The following SPAG17 variants were observed in gnomAD, a reference collection of about 807,000 sequenced individuals.
The protein encoded by SPAG17 is sperm-associated antigen 17.
Under a neutral mutation model 273.6 loss-of-function variants are expected in SPAG17, and 169 were observed. The ratio of observed to expected loss-of-function variants is 0.62; its 90% confidence interval spans 0.55 to 0.70. The LOEUF (loss-of-function observed/expected upper bound fraction) is 0.70, where lower values mean the gene tolerates loss of function less well. Ranked by LOEUF, SPAG17 falls within the 30% of genes least tolerant of loss-of-function variation. The pLI is 0.00. For missense variants in SPAG17, 2,557 were observed against 2,627.8 expected (o/e 0.97, Z 0.59); for synonymous variants, 825 against 873.2 (o/e 0.94, Z 0.97).
intron 48 of SPAG17, chr1:117,955,383 T>G (rs747822874): frequency 4.4e-6 from 7 of 1,608,810 alleles, no homozygotes; most frequent in Non-Finnish European, 5.9e-6. Flanking sequence ...GCGCACAATT[T>G]TTGTAATCTG....
At position 118,145,486 on chromosome 1, in the gene SPAG17, T is replaced by C. The variant is rs930669262; in HGVS notation, c.315+5057A>G. On this transcript the variant is annotated intron_variant, in intron 3 of 48. Transcript: ENST00000336338. Reference sequence around the variant, plus strand: ...AATCTGAGGCACTAGCATAGTGTCTTAAAGTATGGTGAAATGCATTAGATC... The same window carrying C: ...AATCTGAGGCACTAGCATAGTGTCTCAAAGTATGGTGAAATGCATTAGATC... 2.6e-5 allele frequency among the ~76,000 whole-genome samples: 4 copies of C among 152,306 alleles called. 1 individual carries two copies. In the East Asian group the frequency reaches 5.8e-4, roughly 22 times the overall value.
At position 117,968,978 on chromosome 1, in the gene SPAG17, C is replaced by A. The variant is rs111775931; in HGVS notation, c.6387+1078G>T. The stretch of plus-strand genomic sequence containing the variant: ...TTTTTAACATCCTCTGCGCCCTGAC[C>A]ACTTTAAATGGCATATGGGAGGAAC... On this transcript the variant is annotated intron_variant, in intron 46 of 48. Transcript: ENST00000336338. Among the ~76,000 whole-genome samples, 542 of 152,224 alleles carry A rather than the reference C, an allele frequency of 3.6e-3. 5 individuals carry two copies. The highest frequency in any genetic ancestry group is 0.012 in the African/African-American group (504 of 41,544).
chr1:118,115,384 T>A lies in SPAG17; in HGVS notation c.373A>T (p.Ile125Leu), dbSNP rs1657012728. ...AGTTGAAATTTCAAGAGTTTCCCTATCAGTGGTAAGGTTAATTTCTCTCCA... is the reference window on the plus strand; with the variant it reads ...AGTTGAAATTTCAAGAGTTTCCCTAACAGTGGTAAGGTTAATTTCTCTCCA... The part of the protein sequence containing the change: ...DSGEKLTLPL[I>L]GKLLKFQLLQ... Residue 125 changes from isoleucine to leucine, a missense_variant, in exon 4 of 49, where the codon ATA becomes TTA. By Grantham distance (5) the Ile-to-Leu change is conservative. Transcript: ENST00000336338. 1 of 1,613,688 alleles carries A rather than the reference T, an allele frequency of 6.2e-7. No individual in the cohort carries two copies. Among genetic ancestry groups the A allele is most frequent in the Non-Finnish European group, 8.5e-7 (1 of 1,179,626 alleles).
intron 3 of SPAG17, among the ~76,000 whole-genome samples, chr1:118,142,294 C>A (rs1294231354): frequency 6.6e-6 from 1 of 152,034 alleles, no homozygotes; most frequent in Admixed American, 6.6e-5. Flanking sequence ...AACAGAAAAT[C>A]GAACAGTGGT....
intron 32 of SPAG17, 118 bp from the exon 33 acceptor site, chr1:117,996,861 T>A (rs753735153): frequency 4.8e-6 from 5 of 1,052,026 alleles, no homozygotes; most frequent in Non-Finnish European, 6.8e-6. Context: ...ATTGGAGATG[T>A]TTATTTGCAA....
intron 26 of SPAG17, among the ~76,000 whole-genome samples, chr1:118,026,251 C>A (rs2101855793): frequency 6.6e-6 from 1 of 152,270 alleles, no homozygotes; most frequent in Middle Eastern, 3.4e-3. Context: ...AGCTGGCAAT[C>A]AAGGAGAAAA....
chr1:117,994,573 G>A (rs1216662090), intron 34 of SPAG17, 43 bp from the exon 35 acceptor site: 2 of 1,567,186 alleles, frequency 1.3e-6, no homozygotes, highest in Non-Finnish European at 1.7e-6. Context: ...CCCATTGAAA[G>A]TACTCAGAGA....
Position 118,185,095 on chromosome 1 carries a change from C to T in SPAG17, c.63G>A (p.Ser21=). Residue 21 remains serine, a synonymous_variant, in exon 1 of 49, where the codon TCG becomes TCA. Coordinates refer to ENST00000336338, the MANE Select transcript of SPAG17 (RefSeq NM_206996.4). ...CCTGATTGAACTGTGCAGCTATGAG[C>T]GAGGGTTCCCATATCTTAGAACTGG... The part of the protein sequence containing the change: ...VNTSSKIWEP[S]LIAAQFNQND... 1.2e-6 allele frequency: 2 copies of T among 1,614,178 alleles called. No homozygotes were observed. The highest frequency in any genetic ancestry group is 1.7e-6 in the Non-Finnish European group (2 of 1,180,016).
chr1:118,057,844 A>AT (rs72204564), intron 18 of SPAG17, among the ~76,000 whole-genome samples: 38 of 149,818 alleles, frequency 2.5e-4, no homozygotes, highest in African/African-American at 6.6e-4. Context: ...TTAAATTAAA[A>AT]TTTTTTTTTT....
chr1:117,971,052 G>GTTT (rs11361620), intron 45 of SPAG17, among the ~76,000 whole-genome samples: 19 of 148,710 alleles, frequency 1.3e-4, no homozygotes, highest in African/African-American at 4.2e-4. Context: ...TGCTTCTATC[G>GTTT]TTTTTTTTTT....
At chr1:118,173,628 A>T (rs1005817029) in intron 1 of SPAG17, among the ~76,000 whole-genome samples, 2 of 152,188 alleles carry the variant, frequency 1.3e-5, no homozygotes, top group Non-Finnish European at 2.9e-5. Context: ...ACACTAGGAA[A>T]TTAAGACATA....
At chr1:118,122,011 G>A (rs1025798470) in intron 3 of SPAG17, among the ~76,000 whole-genome samples, 3 of 152,074 alleles carry the variant, frequency 2.0e-5, no homozygotes, top group Non-Finnish European at 4.4e-5. Context: ...ATCATAGTAA[G>A]CTATGTTGCC....
At chr1:118,032,417 G>A (rs139119430) in intron 24 of SPAG17, among the ~76,000 whole-genome samples, 1 of 151,958 alleles carries the variant, frequency 6.6e-6, no homozygotes, top group African/African-American at 2.4e-5. Context: ...TAAAAGGAGA[G>A]CTCATGCTAG....
In SPAG17 at chr1:117,959,233, C is replaced by T. The variant is rs918831314; in HGVS notation, c.*4566G>A. 20 of 1,566,442 alleles carry T rather than the reference C, an allele frequency of 1.3e-5. No homozygotes were observed. The African/African-American group carries it at 2.3e-4, about 18-fold the overall frequency. On this transcript the variant is annotated intron_variant, in intron 48 of 48. Coordinates refer to ENST00000336338, the MANE Select transcript of SPAG17 (RefSeq NM_206996.4). ...CTTTGGTTACCCTAACTCTCATACGCTGCTATAATGAATTGAAGTGGGAGA... is the reference window on the plus strand; with the variant it reads ...CTTTGGTTACCCTAACTCTCATACGTTGCTATAATGAATTGAAGTGGGAGA...
At chr1:118,036,465 G>GTA (rs1453084094) in intron 24 of SPAG17, among the ~76,000 whole-genome samples, 1 of 151,672 alleles carries the variant, frequency 6.6e-6, no homozygotes, top group African/African-American at 2.4e-5. Flanking sequence ...ATACATACAT[G>GTA]TATATATATA....
chr1:118,003,006 T>G (rs1658478763), intron 32 of SPAG17, among the ~76,000 whole-genome samples: 1 of 152,354 alleles, frequency 6.6e-6, no homozygotes, highest in South Asian at 2.1e-4. Flanking sequence ...CGGGTGCTCT[T>G]GTAAGGCAGG....
In SPAG17 at chr1:118,091,835, G is replaced by A. The variant is rs571611072; in HGVS notation, c.1246+95C>T. On this transcript the variant is annotated intron_variant, in intron 9 of 48. Coordinates refer to ENST00000336338, the MANE Select transcript of SPAG17 (RefSeq NM_206996.4). ...GCACTAATAAATGCAGGAGCTGTAG[G>A]TGAAGGGAGGCTGAAAGTAATATGG... 1.3e-4 allele frequency: 182 copies of A among 1,391,996 alleles called. 1 individual carries two copies. The South Asian group carries it at 2.0e-3, about 15-fold the overall frequency. The allele number at this position is 1,391,996 out of a possible 1,614,324, so 86.2% of individuals were successfully genotyped here. A position where few individuals can be genotyped will look rare whatever the true frequency, so the allele number is the denominator to read the frequency against.
intron 46 of SPAG17, among the ~76,000 whole-genome samples, chr1:117,967,026 G>A (rs1217713747): frequency 1.3e-5 from 2 of 152,100 alleles, no homozygotes; most frequent in East Asian, 3.9e-4. Flanking sequence ...TAAATGCCAG[G>A]TTATTGGAAG....
At chr1:118,101,120 A>C in intron 5 of SPAG17, among the ~76,000 whole-genome samples, 1 of 152,200 alleles carries the variant, frequency 6.6e-6, no homozygotes, top group Non-Finnish European at 1.5e-5. Context: ...CTTAATAAAT[A>C]TTTGTTTAAG....
Sources: allele counts gnomAD v4.1 joint callset (sites outside exome capture counted in the v4.1 genomes callset), GRCh38; gene constraint gnomAD v4.1.1; transcripts MANE v1.5; gene names NCBI Gene and HGNC (gene_info 2026-07-23, HGNC 2026-07-21).